The following AMBN variants were observed in gnomAD, a reference collection of about 807,000 sequenced individuals.
The protein encoded by AMBN is ameloblastin.
In AMBN, 54 loss-of-function variants were observed where a neutral mutation model predicts 48.0. The observed-to-expected ratio is 1.12, with a 90% CI of 0.90 to 1.41. AMBN has a LOEUF of 1.41. Ranked by LOEUF, AMBN falls within the 40% of genes most tolerant of loss-of-function variation. AMBN has a pLI of 0.00. For missense variants in AMBN, 571 were observed against 547.3 expected (o/e 1.04, Z -0.43); for synonymous variants, 186 against 190.0 (o/e 0.98, Z 0.17).
chr4:70,596,712 T>C (rs959444027), intron 2 of AMBN, among the ~76,000 whole-genome samples: 3 of 152,224 alleles, frequency 2.0e-5, no homozygotes, highest in African/African-American at 7.2e-5. Flanking sequence ...TATTTCTCCT[T>C]GTGTGTAACT....
chr4:70,598,544 C>A, intron 4 of AMBN, 141 bp downstream of exon 4: 1 of 519,722 alleles, frequency 1.9e-6, no homozygotes, highest in Non-Finnish European at 3.1e-6. Flanking sequence ...GAGCCTAAAA[C>A]AAAATAAGAT....
intron 3 of AMBN, among the ~76,000 whole-genome samples, chr4:70,597,354 T>TCCATA (rs2109800847): frequency 6.7e-6 from 1 of 149,028 alleles, no homozygotes; most frequent in South Asian, 2.1e-4. Flanking sequence ...AATACATTGC[T>TCCATA]CCATACTCAC....
chr4:70,594,038 TTGAAA>T (rs1427277597), intron 2 of AMBN, among the ~76,000 whole-genome samples: 5 of 152,172 alleles, frequency 3.3e-5, no homozygotes, highest in Non-Finnish European at 1.5e-5. Flanking sequence ...CATTATAAAG[TTGAAA>T]TGGAAAGAGG....
rs1210875293 is a variant in AMBN at position 70,606,445 on chromosome 4, C to G, written c.1059C>G (p.Leu353=). 6.2e-7 allele frequency: 1 copy of G among 1,613,970 alleles called. No individual in the cohort carries two copies. Among genetic ancestry groups the G allele is most frequent in the Non-Finnish European group, 8.5e-7 (1 of 1,179,980 alleles). The part of the protein sequence containing the change: ...TELEPAPHAG[L]LALPKDDIPG... ...TAGAACCTGCTCCCCACGCAGGGCT[C>G]CTTGCTCTCCCTAAGGATGACATTC... Residue 353 remains leucine (L), a synonymous_variant, in exon 13 of 13, where the codon CTC becomes CTG. Coordinates refer to ENST00000322937, the MANE Select transcript of AMBN (RefSeq NM_016519.6).
At chr4:70,593,016 T>C (rs1053309830) in intron 1 of AMBN, among the ~76,000 whole-genome samples, 4 of 152,218 alleles carry the variant, frequency 2.6e-5, no homozygotes, top group Admixed American at 6.5e-5. Context: ...ATTTTTAAAC[T>C]CATAATTCAC....
At chr4:70,598,107 C>T (rs1577954669) in intron 3 of AMBN, among the ~76,000 whole-genome samples, 1 of 152,260 alleles carries the variant, frequency 6.6e-6, no homozygotes, top group East Asian at 1.9e-4. Context: ...ATGTAACCTC[C>T]ACTTAAATAA....
chr4:70,602,774 T>C, intron 7 of AMBN, 24 bp from the exon 8 acceptor site: 1 of 1,541,690 alleles, frequency 6.5e-7, no homozygotes. Context: ...TTACTGATAA[T>C]TTTAATATTT....
At chr4:70,604,234 C>T (rs1245803789) in intron 12 of AMBN, among the ~76,000 whole-genome samples, 3 of 152,170 alleles carry the variant, frequency 2.0e-5, no homozygotes, top group Non-Finnish European at 4.4e-5. Context: ...CAAAAGGATA[C>T]ACGTGGTTCA....
At chr4:70,600,204 G>A (rs1355006131) in intron 5 of AMBN, among the ~76,000 whole-genome samples, 2 of 152,070 alleles carry the variant, frequency 1.3e-5, no homozygotes, top group South Asian at 2.1e-4. Flanking sequence ...CTACTCTCAG[G>A]AGGCTGAGGC....
chr4:70,606,084 CA>C (rs984609978), intron 12 of AMBN, 100 bp from the exon 13 acceptor site: 10 of 1,368,530 alleles, frequency 7.3e-6, no homozygotes, highest in Admixed American at 2.4e-5. Flanking sequence ...TATTCTCCAC[CA>C]GTTTTTTAGA....
chr4:70,595,176 C>A (rs988058446), intron 2 of AMBN, among the ~76,000 whole-genome samples: 2 of 149,496 alleles, frequency 1.3e-5, no homozygotes, highest in Non-Finnish European at 1.5e-5. Flanking sequence ...ATTTGTAATG[C>A]CTTTCCCTCT....
At chr4:70,603,094 C>T in intron 9 of AMBN, 84 bp downstream of exon 9, 2 of 1,466,576 alleles carry the variant, frequency 1.4e-6, no homozygotes, top group Non-Finnish European at 1.9e-6. Context: ...TTCATTGTCC[C>T]ATTTATCCAT....
At chr4:70,605,751 C>A (rs1737627398) in intron 12 of AMBN, among the ~76,000 whole-genome samples, 1 of 151,866 alleles carries the variant, frequency 6.6e-6, no homozygotes, top group Admixed American at 6.6e-5. Context: ...TATAATGAGA[C>A]CCCTAAAAGA....
At chr4:70,598,443 A>G (rs780244963) in intron 4 of AMBN, 40 bp downstream of exon 4, 20 of 1,492,330 alleles carry the variant, frequency 1.3e-5, no homozygotes, top group Non-Finnish European at 1.7e-5. Context: ...TGGTGGTGGT[A>G]GTGTTAATAT....
rs374742197 is a variant in AMBN, at chr4:70,602,615, G to A, written c.532-9G>A. The A allele has an allele frequency of 6.5e-7, 1 of 1,547,196 alleles. No homozygotes were observed. Among genetic ancestry groups the A allele is most frequent in the Non-Finnish European group, 8.7e-7 (1 of 1,147,846 alleles). The stretch of plus-strand genomic sequence containing the variant: ...TGACTGATAATTTTAATATTTATCT[G>A]TGATATAGCTCCCAGGAGTAGATTT... On this transcript the variant is annotated splice_polypyrimidine_tract_variant and intron_variant, in intron 6 of 12. Coordinates refer to ENST00000322937, the MANE Select transcript of AMBN (RefSeq NM_016519.6).
At position 70,601,557 on chromosome 4, in the gene AMBN, A is replaced by G; in HGVS notation, c.434A>G (p.Gln145Arg). 1.2e-6 allele frequency: 2 copies of G among 1,614,212 alleles called. No homozygotes were observed. The highest frequency in any genetic ancestry group is 1.7e-6 in the Non-Finnish European group (2 of 1,180,004). The change falls in exon 6 of 13, where the codon CAG (glutamine) becomes CGG (arginine). Residue 145 changes from glutamine (Q) to arginine (R), a missense_variant. By Grantham distance (43) the Gln-to-Arg change is conservative (BLOSUM62 1). Transcript: ENST00000322937. ...GCCACAGCACTGAAAGAAGCACTTC[A>G]GCCTCCAATTCACCTGGGACATCTG... ...NQATALKEALQPPIHLGHLPL... is the reference protein window; with the variant it reads ...NQATALKEALRPPIHLGHLPL...
Position 70,603,028 on chromosome 4 carries a change from T to C in AMBN, c.648+18T>C, listed in dbSNP as rs757438245. ...GTTCAACAGTAAGTACAGATCTCAA[T>C]GAGACACTGTCTTGCAAAAACTGTC... On this transcript the variant is annotated intron_variant, in intron 9 of 12. Transcript: ENST00000322937. 1 of 1,591,840 alleles carries C rather than the reference T, an allele frequency of 6.3e-7. No homozygotes were observed.
chr4:70,595,077 A>G (rs1430270448), intron 2 of AMBN, among the ~76,000 whole-genome samples: 1 of 151,908 alleles, frequency 6.6e-6, no homozygotes, highest in Non-Finnish European at 1.5e-5. Context: ...AATTCTCAAC[A>G]AGCTAACCAC....
At chr4:70,600,721 C>A (rs759581697) in intron 5 of AMBN, among the ~76,000 whole-genome samples, 1 of 152,078 alleles carries the variant, frequency 6.6e-6, no homozygotes, top group Non-Finnish European at 1.5e-5. Context: ...GTGATTTTAA[C>A]GGGGAATTTT....
Sources: gnomAD v4.1 joint callset for allele counts (sites outside exome capture counted in the v4.1 genomes callset) on GRCh38, gnomAD v4.1.1 for gene constraint, MANE v1.5 for transcripts, NCBI Gene and HGNC (gene_info 2026-07-23, HGNC 2026-07-21) for gene names.